SPRED2: variants seen among roughly 807,000 people sequenced by gnomAD.
SPRED2 encodes the protein sprouty related EVH1 domain containing 2.
A neutral mutation model predicts 43.0 loss-of-function variants in SPRED2; 47 were observed. That is an observed-to-expected ratio of 1.09 (90% CI 0.87 to 1.40). The LOEUF (loss-of-function observed/expected upper bound fraction) is 1.40, where lower values mean the gene tolerates loss of function less well. SPRED2 is among the 40% of genes most tolerant of loss of function. The probability of loss-of-function intolerance (pLI) is 0.00; values close to 1 mark genes in which losing one functional copy is unlikely to be tolerated. For synonymous variants in SPRED2, 225 were observed against 225.7 expected (o/e 1.00, Z 0.03); for missense variants, 561 against 586.4 (o/e 0.96, Z 0.45).
In SPRED2 at chr2:65,432,457, G is replaced by A. The variant is rs968162330; in HGVS notation, c.-470C>T. On this transcript the variant is annotated 5_prime_UTR_variant, in exon 1 of 6. Transcript: ENST00000356388. The stretch of plus-strand genomic sequence containing the variant: ...CGGCGGCCGGGGGAGGTGCGCCTGG[G>A]AGGCGGTGCAGGGCGCCCCGTCCGA... 2.4e-5 allele frequency: 4 copies of A among 164,788 alleles called. No individual in the cohort carries two copies. The highest frequency in any genetic ancestry group is 1.9e-4 in the East Asian group (1 of 5,270). 10.2% of individuals were successfully genotyped at this position (164,788 alleles called of 1,614,324 possible).
chr2:65,342,289 A>G lies in SPRED2; in HGVS notation c.204+2430T>C, dbSNP rs898770526. Among the ~76,000 whole-genome samples the G allele has an allele frequency of 1.4e-4, 20 of 141,334 alleles. No homozygotes were observed. In the East Asian group the frequency reaches 1.8e-3, roughly 13 times the overall value. The allele number at this position is 141,334 out of a possible 152,430, so 92.7% of individuals were successfully genotyped here. ...TATATTTTGTATACGTATATTATGTATGTATATTTTGTATACGTATATTAT... is the reference window on the plus strand; with the variant it reads ...TATATTTTGTATACGTATATTATGTGTGTATATTTTGTATACGTATATTAT... On this transcript the variant is annotated intron_variant, in intron 2 of 5. Coordinates refer to ENST00000356388, the MANE Select transcript of SPRED2 (RefSeq NM_181784.3).
At chr2:65,377,915 G>A in intron 1 of SPRED2, 1 of 327,030 alleles carries the variant, frequency 3.1e-6, no homozygotes, top group Non-Finnish European at 6.1e-6. Context: ...CATCCTGAAG[G>A]TTCTATTCTA....
chr2:65,337,105 C>T (rs1673989120), intron 2 of SPRED2, among the ~76,000 whole-genome samples: 1 of 151,118 alleles, frequency 6.6e-6, no homozygotes. Flanking sequence ...AAGACTCTGT[C>T]TCAAAAAAAA....
At chr2:65,362,946 C>T (rs1477706729) in intron 1 of SPRED2, among the ~76,000 whole-genome samples, 1 of 147,866 alleles carries the variant, frequency 6.8e-6, no homozygotes, top group Non-Finnish European at 1.5e-5. Flanking sequence ...GAGGCCGAGG[C>T]GGGCGAGCAG....
At chr2:65,321,127 T>C (rs1673397252) in intron 4 of SPRED2, among the ~76,000 whole-genome samples, 1 of 152,182 alleles carries the variant, frequency 6.6e-6, no homozygotes, top group Admixed American at 6.5e-5. Context: ...CCCCTGTGAC[T>C]ACTCTGTGCT....
chr2:65,308,408 G>T, downstream of SPRED2: 2 of 985,434 alleles, frequency 2.0e-6, no homozygotes, highest in Non-Finnish European at 2.4e-6. Flanking sequence ...ACCTGGAGGG[G>T]TCAGCAAGAA....
chr2:65,431,300 C>A (rs1357159766), intron 1 of SPRED2, among the ~76,000 whole-genome samples: 4 of 151,472 alleles, frequency 2.6e-5, no homozygotes, highest in African/African-American at 7.3e-5. Context: ...GCCGCCCGAC[C>A]CCGCAGGACG....
At position 65,392,214 on chromosome 2, in the gene SPRED2, C is replaced by T. The variant is rs921512643; in HGVS notation, c.26+39748G>A. Among the ~76,000 whole-genome samples, 19 of 130,144 alleles carry T rather than the reference C, an allele frequency of 1.5e-4. No individual in the cohort carries two copies. The East Asian group carries it at 4.3e-3, about 29-fold the overall frequency. 85.4% of individuals were successfully genotyped at this position (130,144 alleles called of 152,430 possible). On this transcript the variant is annotated intron_variant, in intron 1 of 5. Transcript: ENST00000356388. Reference sequence around the variant, plus strand: ...TTTTTTTTGGAGACAGGGTCTTGCTCTGTCACCTACACTGGAGTGCAGTGG... The same window carrying T: ...TTTTTTTTGGAGACAGGGTCTTGCTTTGTCACCTACACTGGAGTGCAGTGG...
chr2:65,378,561 A>T (rs1169267436), intron 1 of SPRED2, among the ~76,000 whole-genome samples: 1 of 152,148 alleles, frequency 6.6e-6, no homozygotes, highest in Non-Finnish European at 1.5e-5. Flanking sequence ...AAGGAAAAAG[A>T]GCTGTTAAAA....
intron 1 of SPRED2, among the ~76,000 whole-genome samples, chr2:65,425,171 G>A (rs1322536616): frequency 6.6e-6 from 1 of 152,116 alleles, no homozygotes; most frequent in Non-Finnish European, 1.5e-5. Context: ...TGATAATTAA[G>A]TTTTAAGCAT....
chr2:65,319,415 A>T (rs1673344374), intron 4 of SPRED2, among the ~76,000 whole-genome samples: 1 of 152,110 alleles, frequency 6.6e-6, no homozygotes, highest in Non-Finnish European at 1.5e-5. Flanking sequence ...TGGGGAAAGG[A>T]CTTGTCTGAG....
At chr2:65,371,597 T>C (rs766255272) in intron 1 of SPRED2, among the ~76,000 whole-genome samples, 8 of 152,132 alleles carry the variant, frequency 5.3e-5, no homozygotes, top group Non-Finnish European at 1.0e-4. Context: ...CAAATCTTAC[T>C]TGAAGCTAAG....
chr2:65,316,692 G>A (rs1673243845), intron 5 of SPRED2, 42 bp downstream of exon 5: 5 of 1,575,986 alleles, frequency 3.2e-6, no homozygotes, highest in East Asian at 2.3e-5. Flanking sequence ...AGAATCAGAG[G>A]CACCACCCTG....
chr2:65,358,196 T>C (rs890920758), intron 1 of SPRED2, among the ~76,000 whole-genome samples: 4 of 152,204 alleles, frequency 2.6e-5, no homozygotes, highest in Admixed American at 2.6e-4. Context: ...ATGACACAAT[T>C]ATGAAGTTTC....
At chr2:65,331,684 T>C (rs1318176744) in intron 4 of SPRED2, among the ~76,000 whole-genome samples, 1 of 152,220 alleles carries the variant, frequency 6.6e-6, no homozygotes, top group Non-Finnish European at 1.5e-5. Context: ...AGGACAGACT[T>C]GGGCAAACCA....
rs536378559 is a variant in SPRED2, at chr2:65,416,760, G to A, written c.26+15202C>T. Among the ~76,000 whole-genome samples, 40 of 152,258 alleles carry A rather than the reference G, an allele frequency of 2.6e-4. 1 individual carries two copies. In the South Asian group the frequency reaches 3.3e-3, roughly 13 times the overall value. On this transcript the variant is annotated intron_variant, in intron 1 of 5. Coordinates refer to ENST00000356388, the MANE Select transcript of SPRED2 (RefSeq NM_181784.3). Reference sequence around the variant, plus strand: ...CAAAGCTGGGTGGGACCTCCTAGGCGTCTGTGGGACCTTGGGCTCTCCGGA... The same window carrying A: ...CAAAGCTGGGTGGGACCTCCTAGGCATCTGTGGGACCTTGGGCTCTCCGGA...
At chr2:65,389,447 G>A (rs112351644) in intron 1 of SPRED2, among the ~76,000 whole-genome samples, 68 of 152,204 alleles carry the variant, frequency 4.5e-4, no homozygotes, top group Non-Finnish European at 6.9e-4. Context: ...TAGATTCTGC[G>A]AAACATAACA....
rs61748095 is a variant in SPRED2, at chr2:65,344,842, G to A, written c.81C>T (p.Ser27=). ...CTCCTTCCTGTGGGAACCATCCCCC[G>A]CTGGAGTCATCTCTGGTCATAACCA... ...KAVVMTRDDS[S]GGWFPQEGGG... Residue 27 remains serine (S), a synonymous_variant, in exon 2 of 6, where the codon AGC becomes AGT. Coordinates refer to ENST00000356388, the MANE Select transcript of SPRED2 (RefSeq NM_181784.3). 6,854 of 1,613,996 alleles carry A rather than the reference G, an allele frequency of 4.2e-3. 79 individuals are homozygous for A. Among genetic ancestry groups the A allele is most frequent in the African/African-American group, 0.041 (3,083 of 74,970 alleles).
Position 65,422,102 on chromosome 2 carries a change from ACACTCTCTCTCT to A in SPRED2, c.26+9848_26+9859del, listed in dbSNP as rs1228768797. ...AACACACACACACACACACACACAC[ACACTCTCTCTCT>A]CTCTCTCTCTCTCTCTCTCTCTTAC... On this transcript the variant is annotated intron_variant, in intron 1 of 5. Coordinates refer to ENST00000356388, the MANE Select transcript of SPRED2 (RefSeq NM_181784.3). 8.8e-4 allele frequency among the ~76,000 whole-genome samples: 92 copies of A among 104,214 alleles called. 2 individuals carry two copies. Among genetic ancestry groups the A allele is most frequent in the African/African-American group, 3.1e-3 (83 of 26,524 alleles). 68.4% of individuals were successfully genotyped at this position (104,214 alleles called of 152,430 possible).
Sources: gnomAD v4.1 joint callset for allele counts (sites outside exome capture counted in the v4.1 genomes callset) on GRCh38, gnomAD v4.1.1 for gene constraint, MANE v1.5 for transcripts, NCBI Gene and HGNC (gene_info 2026-07-23, HGNC 2026-07-21) for gene names.